The following NEDD4L variants were observed in gnomAD, a reference collection of about 807,000 sequenced individuals.
NEDD4L encodes NEDD4 like E3 ubiquitin protein ligase, also known as E3 ubiquitin-protein ligase NEDD4-like.
In NEDD4L, 54 loss-of-function variants were observed where a neutral mutation model predicts 148.9. That is an observed-to-expected ratio of 0.36 (90% CI 0.29 to 0.45). NEDD4L has a LOEUF of 0.45. Ranked by LOEUF, NEDD4L falls within the 20% of genes least tolerant of loss-of-function variation. NEDD4L has a pLI of 1.00. For synonymous variants in NEDD4L, 433 were observed against 440.7 expected (o/e 0.98, Z 0.22); for missense variants, 856 against 1,233.8 (o/e 0.69, Z 4.59).
chr18:58,146,075 A>G (rs1283809365), intron 1 of NEDD4L, among the ~76,000 whole-genome samples: 1 of 152,168 alleles, frequency 6.6e-6, no homozygotes, highest in Non-Finnish European at 1.5e-5. Context: ...AAAAGTATTA[A>G]TAGTAGTGCC....
At chr18:58,140,415 C>G (rs1449346542) in intron 1 of NEDD4L, among the ~76,000 whole-genome samples, 1 of 152,220 alleles carries the variant, frequency 6.6e-6, no homozygotes, top group Non-Finnish European at 1.5e-5. Flanking sequence ...CTGGTGCTGC[C>G]TGCTGTGAAA....
intron 24 of NEDD4L, among the ~76,000 whole-genome samples, chr18:58,376,404 A>G (rs1233585107): frequency 1.3e-5 from 2 of 152,204 alleles, no homozygotes; most frequent in African/African-American, 4.8e-5. Flanking sequence ...AGTTTGTTGA[A>G]TTACTGCCTT....
intron 2 of NEDD4L, among the ~76,000 whole-genome samples, chr18:58,207,085 G>T (rs1346510156): frequency 6.6e-6 from 1 of 152,098 alleles, no homozygotes; most frequent in East Asian, 1.9e-4. Flanking sequence ...TGCCAAGAAT[G>T]GAATCAGATA....
At chr18:58,348,326 C>CTTTTTTCT (rs2043371211) in intron 16 of NEDD4L, among the ~76,000 whole-genome samples, 2 of 88,672 alleles carry the variant, frequency 2.3e-5, no homozygotes, top group Non-Finnish European at 4.0e-5. Flanking sequence ...TCTTTTTTTT[C>CTTTTTTCT]TTTTTTTTTT....
In NEDD4L at chr18:58,399,491, T is replaced by C. The variant is rs960258267; in HGVS notation, c.*3222T>C. On this transcript the variant is annotated 3_prime_UTR_variant, in exon 31 of 31. Coordinates refer to ENST00000400345, the MANE Select transcript of NEDD4L (RefSeq NM_001144967.3). Reference sequence around the variant, plus strand: ...CATGTAAGGACAAAGGGACAGATTATTATTGTTATTTCTGAGACAGAGTCT... The same window carrying C: ...CATGTAAGGACAAAGGGACAGATTACTATTGTTATTTCTGAGACAGAGTCT... The C allele has an allele frequency of 6.6e-6, 1 of 152,308 alleles. No individual in the cohort carries two copies. The highest frequency in any genetic ancestry group is 2.4e-5 in the African/African-American group (1 of 41,574). 9.4% of individuals were successfully genotyped at this position (152,308 alleles called of 1,614,324 possible). A position where few individuals can be genotyped will look rare whatever the true frequency, so the allele number is the denominator to read the frequency against.
At chr18:58,137,268 A>G (rs984612307) in intron 1 of NEDD4L, among the ~76,000 whole-genome samples, 3 of 152,200 alleles carry the variant, frequency 2.0e-5, no homozygotes, top group East Asian at 3.8e-4. Flanking sequence ...GACAAAAACC[A>G]TATTGTAAGG....
In NEDD4L at chr18:58,245,459, C is replaced by T. The variant is rs2047140223; in HGVS notation, c.155C>T (p.Ala52Val). 1.3e-6 allele frequency: 2 copies of T among 1,580,412 alleles called. No homozygotes were observed. Among genetic ancestry groups the T allele is most frequent in the Non-Finnish European group, 1.7e-6 (2 of 1,156,426 alleles). The change falls in exon 3 of 31, where the codon GCG becomes GTG. Residue 52 changes from alanine (A) to valine (V), a missense_variant. Coordinates refer to ENST00000400345, the MANE Select transcript of NEDD4L (RefSeq NM_001144967.3). ...DPYVKLSLYV[A>V]DENRELALVQ... is the part of the protein sequence containing the mutation. ...TATGTGAAACTTTCATTGTACGTAG[C>T]GGATGAGAATAGAGAACTTGCTTTG... is the stretch of plus-strand genomic sequence containing the variant.
intron 5 of NEDD4L, among the ~76,000 whole-genome samples, chr18:58,276,526 A>G (rs2052041484): frequency 6.6e-6 from 1 of 151,882 alleles, no homozygotes; most frequent in Non-Finnish European, 1.5e-5. Context: ...TCATTTTCTG[A>G]CAAGTTCTAT....
At chr18:58,252,189 C>T (rs2048018819) in intron 5 of NEDD4L, 135 bp downstream of exon 5, 1 of 678,584 alleles carries the variant, frequency 1.5e-6, no homozygotes, top group African/African-American at 1.8e-5. Flanking sequence ...GTTTTTGTCC[C>T]ACTACGAGTT....
chr18:58,205,723 C>A (rs79246360), intron 2 of NEDD4L, among the ~76,000 whole-genome samples: 3,479 of 151,344 alleles, frequency 0.023, 141 homozygotes, highest in African/African-American at 0.081. Context: ...TAAGAAATAG[C>A]ATTATTGTTT....
intron 6 of NEDD4L, among the ~76,000 whole-genome samples, chr18:58,322,075 G>T (rs539891681): frequency 6.6e-6 from 1 of 152,110 alleles, no homozygotes; most frequent in South Asian, 2.1e-4. Flanking sequence ...TATGTGTCTC[G>T]AGTCACAGGC....
intron 5 of NEDD4L, among the ~76,000 whole-genome samples, chr18:58,301,832 C>T (rs1263959233): frequency 6.6e-6 from 1 of 152,216 alleles, no homozygotes; most frequent in African/African-American, 2.4e-5. Context: ...AAACTGTGCC[C>T]AGGCCCCAAG....
At chr18:58,320,676 A>G (rs559331189) in intron 6 of NEDD4L, among the ~76,000 whole-genome samples, 11 of 152,260 alleles carry the variant, frequency 7.2e-5, no homozygotes, top group South Asian at 6.2e-4. Context: ...TTAGCCAGGC[A>G]TAGTGGCACA....
intron 1 of NEDD4L, among the ~76,000 whole-genome samples, chr18:58,133,616 A>G (rs921155677): frequency 6.6e-6 from 1 of 152,146 alleles, no homozygotes; most frequent in Non-Finnish European, 1.5e-5. Context: ...TAATATAGTA[A>G]TACGTATAAT....
At chr18:58,192,231 TGAGCCTG>T (rs2040198735) in intron 2 of NEDD4L, among the ~76,000 whole-genome samples, 1 of 152,196 alleles carries the variant, frequency 6.6e-6, no homozygotes, top group South Asian at 2.1e-4. Flanking sequence ...CCTAAATATG[TGAGCCTG>T]GACCATTAAA....
chr18:58,085,573 G>A lies in NEDD4L; in HGVS notation c.48+40865G>A, dbSNP rs898485858. 2.0e-5 allele frequency among the ~76,000 whole-genome samples: 3 copies of A among 152,188 alleles called. No individual in the cohort carries two copies. In the East Asian group the frequency reaches 5.8e-4, roughly 29 times the overall value. On this transcript the variant is annotated intron_variant, in intron 1 of 30. Transcript: ENST00000400345. ...GCAAAGCGAACCCAAGCTTCAGAAC[G>A]GAGGCATCTGAGATGATGTCACAGT...
At chr18:58,119,149 C>T (rs1213047696) in intron 1 of NEDD4L, among the ~76,000 whole-genome samples, 2 of 152,206 alleles carry the variant, frequency 1.3e-5, no homozygotes, top group Non-Finnish European at 2.9e-5. Flanking sequence ...GCTCTGCAGT[C>T]TGCCCTCTCC....
chr18:58,082,600 C>T (rs1351999482), intron 1 of NEDD4L, among the ~76,000 whole-genome samples: 1 of 151,144 alleles, frequency 6.6e-6, no homozygotes, highest in East Asian at 2.0e-4. Flanking sequence ...GGTGAAACCC[C>T]GTCTCTGCTA....
At chr18:58,392,532 A>G (rs1459550043) in intron 30 of NEDD4L, among the ~76,000 whole-genome samples, 1 of 150,288 alleles carries the variant, frequency 6.7e-6, no homozygotes, top group Non-Finnish European at 1.5e-5. Context: ...CTCACCAGAA[A>G]GGTGTTTTTT....
Sources: allele counts gnomAD v4.1 joint callset (sites outside exome capture counted in the v4.1 genomes callset), GRCh38; gene constraint gnomAD v4.1.1; transcripts MANE v1.5; gene names NCBI Gene and HGNC (gene_info 2026-07-23, HGNC 2026-07-21).